EFHB: variants seen among roughly 807,000 people sequenced by gnomAD.
The protein encoded by EFHB is EF-hand domain family member B.
A neutral mutation model predicts 87.2 loss-of-function variants in EFHB; 91 were observed. That is an observed-to-expected ratio of 1.04 (90% CI 0.88 to 1.24). EFHB has a LOEUF of 1.24. Ranked by LOEUF, EFHB falls within the 50% of genes most tolerant of loss-of-function variation. The pLI is 0.00. For missense variants in EFHB, 1,084 were observed against 998.8 expected, an observed-to-expected ratio of 1.09 and a Z score of -1.15; for synonymous variants, 325 against 333.6, an observed-to-expected ratio of 0.97 and a Z score of 0.28.
Position 19,896,813 on chromosome 3 carries a change from A to G in EFHB, c.1599T>C (p.Leu533=), listed in dbSNP as rs1188059480. Residue 533 remains leucine (L), a synonymous_variant, in exon 9 of 13, where the codon CTT becomes CTC. Coordinates refer to ENST00000295824, the MANE Select transcript of EFHB (RefSeq NM_144715.4). The part of the protein sequence containing the change: ...YGVGDLIHNR[L]PDEYLRGKDR... ...CCTTGCCTCGAAGATATTCATCCGG[A>G]AGTCTATTATGGATGAGATCACCAA... The G allele has an allele frequency of 1.2e-6, 2 of 1,613,860 alleles. No individual in the cohort carries two copies. The highest frequency in any genetic ancestry group is 1.7e-6 in the Non-Finnish European group (2 of 1,179,820).
intron 1 of EFHB, among the ~76,000 whole-genome samples, chr3:19,943,531 TATTCCATCGAA>T (rs1158255374): frequency 6.6e-6 from 1 of 152,126 alleles, no homozygotes; most frequent in Non-Finnish European, 1.5e-5. Flanking sequence ...TAGCCCTCTG[TATTCCATCGAA>T]AGTATTTGAG....
intron 1 of EFHB, among the ~76,000 whole-genome samples, chr3:19,944,913 C>A (rs1309644262): frequency 6.6e-6 from 1 of 152,162 alleles, no homozygotes; most frequent in East Asian, 1.9e-4. Context: ...CCCTTAAAAA[C>A]CTTATAATTC....
chr3:19,946,507 C>T (rs2125174132), intron 1 of EFHB, among the ~76,000 whole-genome samples: 1 of 152,322 alleles, frequency 6.6e-6, no homozygotes, highest in Middle Eastern at 3.4e-3. Flanking sequence ...ATTTGGCCTT[C>T]CCCGCCCCCT....
intron 5 of EFHB, among the ~76,000 whole-genome samples, chr3:19,913,383 G>A (rs1378073345): frequency 6.6e-6 from 1 of 152,128 alleles, no homozygotes; most frequent in African/African-American, 2.4e-5. Flanking sequence ...AAAATCAGTA[G>A]CATTTCTATA....
chr3:19,882,991 C>T (rs2071719591), intron 11 of EFHB, among the ~76,000 whole-genome samples: 1 of 151,552 alleles, frequency 6.6e-6, no homozygotes, highest in South Asian at 2.1e-4. Context: ...TTTAACATGA[C>T]TTTTTTTTCT....
intron 11 of EFHB, 112 bp from the exon 12 acceptor site, chr3:19,882,843 T>C (rs1357239926): frequency 1.8e-5 from 17 of 932,934 alleles, no homozygotes; most frequent in Non-Finnish European, 2.5e-5. Context: ...AGGAAGAATT[T>C]TGGTGTATTC....
At chr3:19,939,586 G>A (rs1031350048) in intron 1 of EFHB, among the ~76,000 whole-genome samples, 4 of 151,550 alleles carry the variant, frequency 2.6e-5, no homozygotes, top group East Asian at 3.9e-4. Context: ...GGGTTTCACC[G>A]TGTTAGCCAG....
rs748055679 is a variant in EFHB at position 19,918,303 on chromosome 3, T to C, written c.1106A>G (p.His369Arg). 2.5e-6 allele frequency: 4 copies of C among 1,608,930 alleles called. No individual in the cohort carries two copies. The highest frequency in any genetic ancestry group is 3.4e-6 in the Non-Finnish European group (4 of 1,175,754). Residue 369 changes from histidine (H) to arginine (R), a missense_variant, in exon 4 of 13, where the codon CAC becomes CGC. Physicochemically the swap from His to Arg is conservative, Grantham distance 29. Transcript: ENST00000295824. ...SNRRAPLGKSHDQAPGLPKGM... is the reference protein window; with the variant it reads ...SNRRAPLGKSRDQAPGLPKGM... ...TTTTGGTAATCCTGGTGCTTGATCG[T>C]GAGATTTTCCTAATGGTGCTCGTCG...
chr3:19,893,350 G>A (rs1269490360), intron 9 of EFHB, among the ~76,000 whole-genome samples: 1 of 152,146 alleles, frequency 6.6e-6, no homozygotes, highest in Non-Finnish European at 1.5e-5. Context: ...TTTTATGCCT[G>A]ACCTTTCCAG....
At chr3:19,907,947 C>T (rs1048346672) in intron 5 of EFHB, among the ~76,000 whole-genome samples, 1 of 152,126 alleles carries the variant, frequency 6.6e-6, no homozygotes, top group African/African-American at 2.4e-5. Context: ...TATTCTCATA[C>T]TCTGGGTCTA....
chr3:19,889,413 G>A (rs190835401), intron 9 of EFHB, among the ~76,000 whole-genome samples: 1 of 152,290 alleles, frequency 6.6e-6, no homozygotes, highest in African/African-American at 2.4e-5. Flanking sequence ...TGTTTCTGCA[G>A]TGAATTCTTC....
rs201401544 is a variant in EFHB at position 19,909,712 on chromosome 3, AG to A, written c.1289-3964del. Among the ~76,000 whole-genome samples the A allele has an allele frequency of 9.6e-3, 1,462 of 152,256 alleles. 12 individuals are homozygous for A. The highest frequency in any genetic ancestry group is 0.012 in the Non-Finnish European group (834 of 68,014). On this transcript the variant is annotated intron_variant, in intron 5 of 12. Coordinates refer to ENST00000295824, the MANE Select transcript of EFHB (RefSeq NM_144715.4). Reference sequence around the variant, plus strand: ...GCTTGAGGAGAGGAGAGGGAAGAGCAGGGAAGACTTCACCTTGCATCTAGGA... The same window carrying A: ...GCTTGAGGAGAGGAGAGGGAAGAGCAGGAAGACTTCACCTTGCATCTAGGA...
chr3:19,899,321 A>T, intron 7 of EFHB, 111 bp downstream of exon 7: 2 of 700,100 alleles, frequency 2.9e-6, no homozygotes, highest in East Asian at 6.1e-5. Flanking sequence ...TAAAATAATG[A>T]TTTTCTTATT....
chr3:19,905,193 A>G (rs1052517395), intron 6 of EFHB, among the ~76,000 whole-genome samples: 7 of 152,172 alleles, frequency 4.6e-5, no homozygotes, highest in Non-Finnish European at 7.4e-5. Flanking sequence ...TCAAGGTTGC[A>G]GTGAGCTATG....
At chr3:19,880,126 A>C (rs1254904218) in intron 12 of EFHB, among the ~76,000 whole-genome samples, 1 of 152,166 alleles carries the variant, frequency 6.6e-6, no homozygotes, top group Non-Finnish European at 1.5e-5. Context: ...AAGTAAAAAG[A>C]GTGAAAAAAA....
chr3:19,908,607 A>AGAGAGAGAGAGAGAGAGG (rs1694942687), intron 5 of EFHB, among the ~76,000 whole-genome samples: 1 of 122,482 alleles, frequency 8.2e-6, no homozygotes, highest in Admixed American at 7.8e-5. Context: ...AGAGAAAGAA[A>AGAGAGAGAGAGAGAGAGG]GAAAGAAAGA....
chr3:19,901,365 A>T (rs1694664537), intron 6 of EFHB, among the ~76,000 whole-genome samples: 1 of 152,228 alleles, frequency 6.6e-6, no homozygotes, highest in Non-Finnish European at 1.5e-5. Context: ...TAATAACATT[A>T]AAATTAATAA....
chr3:19,938,398 G>C (rs1029853010), upstream of EFHB, among the ~76,000 whole-genome samples: 3 of 152,334 alleles, frequency 2.0e-5, no homozygotes, highest in East Asian at 5.8e-4. Flanking sequence ...ATGATGAAAT[G>C]TTTAAAGGAA....
chr3:19,928,521 T>C (rs1695711081), intron 1 of EFHB, among the ~76,000 whole-genome samples: 1 of 152,224 alleles, frequency 6.6e-6, no homozygotes, highest in Admixed American at 6.5e-5. Context: ...CTTGGCTCAC[T>C]GCAACCTCCG....
Sources: gnomAD v4.1 joint callset for allele counts (sites outside exome capture counted in the v4.1 genomes callset) on GRCh38, gnomAD v4.1.1 for gene constraint, MANE v1.5 for transcripts, NCBI Gene and HGNC (gene_info 2026-07-23, HGNC 2026-07-21) for gene names.